Variants in CTNNA2 observed in about 807,000 individuals in gnomAD.
CTNNA2 encodes catenin alpha-2.
A neutral mutation model predicts 101.0 loss-of-function variants in CTNNA2; 42 were observed. That is an observed-to-expected ratio of 0.42 (90% CI 0.32 to 0.54). CTNNA2 has a LOEUF of 0.54. Among genes scored for constraint, CTNNA2 ranks in the 20% least tolerant of loss-of-function variants. CTNNA2 has a pLI of 0.14. For missense variants in CTNNA2, 871 were observed against 1,223.1 expected, an observed-to-expected ratio of 0.71 and a Z score of 4.29; for synonymous variants, 450 against 456.4, an observed-to-expected ratio of 0.99 and a Z score of 0.18.
intron 3 of CTNNA2, among the ~76,000 whole-genome samples, chr2:79,749,020 C>A (rs904323034): frequency 6.6e-6 from 1 of 152,080 alleles, no homozygotes; most frequent in Non-Finnish European, 1.5e-5. Flanking sequence ...AGCAGGCTGG[C>A]AGAAGAACCA....
intron 2 of CTNNA2, among the ~76,000 whole-genome samples, chr2:79,265,360 T>C (rs1023609934): frequency 3.3e-5 from 5 of 152,148 alleles, no homozygotes; most frequent in African/African-American, 1.2e-4. Flanking sequence ...CAGCTCCATA[T>C]GGTGCCAAGA....
chr2:80,089,291 G>C (rs865930222), intron 7 of CTNNA2, among the ~76,000 whole-genome samples: 2 of 151,992 alleles, frequency 1.3e-5, no homozygotes, highest in African/African-American at 2.4e-5. Context: ...AGACGCTAAA[G>C]ACAATCTATA....
intron 2 of CTNNA2, among the ~76,000 whole-genome samples, chr2:79,208,971 G>A (rs887472042): frequency 6.6e-6 from 1 of 152,106 alleles, no homozygotes; most frequent in Admixed American, 6.6e-5. Context: ...GGATGTGAAG[G>A]AGATGAAATG....
intron 4 of CTNNA2, among the ~76,000 whole-genome samples, chr2:79,501,051 C>T (rs982802190): frequency 1.3e-5 from 2 of 152,258 alleles, no homozygotes; most frequent in East Asian, 3.9e-4. Context: ...CTGAATTAGA[C>T]CTCTAAATTA....
intron 7 of CTNNA2, among the ~76,000 whole-genome samples, chr2:80,325,777 T>C (rs1679185395): frequency 6.6e-6 from 1 of 152,214 alleles, no homozygotes. Context: ...GGAATGCTTA[T>C]AGATTTGCAA....
At chr2:79,663,077 A>G (rs951365849) in intron 2 of CTNNA2, among the ~76,000 whole-genome samples, 3 of 152,056 alleles carry the variant, frequency 2.0e-5, no homozygotes, top group Non-Finnish European at 4.4e-5. Flanking sequence ...TCAAATTTGT[A>G]TCTTCAGCCC....
At chr2:79,401,320 A>C (rs1421159899) in intron 4 of CTNNA2, among the ~76,000 whole-genome samples, 2 of 151,454 alleles carry the variant, frequency 1.3e-5, no homozygotes, top group African/African-American at 4.8e-5. Flanking sequence ...AAATGCAAAA[A>C]TAAAAATAAT....
At chr2:79,521,486 T>A (rs1468882017) in intron 1 of CTNNA2, among the ~76,000 whole-genome samples, 1 of 152,024 alleles carries the variant, frequency 6.6e-6, no homozygotes, top group African/African-American at 2.4e-5. Context: ...ACATGGACAT[T>A]CCCAGTCTAG....
At chr2:80,489,722 G>T (rs1052289415) in intron 9 of CTNNA2, among the ~76,000 whole-genome samples, 1 of 152,074 alleles carries the variant, frequency 6.6e-6, no homozygotes, top group Non-Finnish European at 1.5e-5. Flanking sequence ...TCTTCTTCTT[G>T]GTTGTAAACT....
chr2:80,142,416 T>C (rs1703071824), intron 7 of CTNNA2, among the ~76,000 whole-genome samples: 1 of 152,058 alleles, frequency 6.6e-6, no homozygotes, highest in Non-Finnish European at 1.5e-5. Flanking sequence ...CTTGGTTTGA[T>C]AACACCAGCA....
intron 18 of CTNNA2, among the ~76,000 whole-genome samples, chr2:80,626,446 T>C (rs899032210): frequency 6.6e-6 from 1 of 152,094 alleles, no homozygotes; most frequent in African/African-American, 2.4e-5. Flanking sequence ...TAAGGAGGCT[T>C]CCTGGAAACT....
chr2:80,479,911 G>GTTGAC (rs1686020139), intron 9 of CTNNA2, among the ~76,000 whole-genome samples: 1 of 152,122 alleles, frequency 6.6e-6, no homozygotes, highest in Non-Finnish European at 1.5e-5. Context: ...GTCAACTTTG[G>GTTGAC]AGAAAGCTTG....
intron 4 of CTNNA2, among the ~76,000 whole-genome samples, chr2:79,418,744 G>C (rs954607529): frequency 5.3e-4 from 81 of 152,168 alleles, no homozygotes; most frequent in African/African-American, 1.9e-3. Context: ...GTTATAAATA[G>C]TTTCCATGAT....
chr2:79,774,509 A>G (rs1036778522), intron 3 of CTNNA2, among the ~76,000 whole-genome samples: 1 of 152,156 alleles, frequency 6.6e-6, no homozygotes, highest in Non-Finnish European at 1.5e-5. Context: ...AGACTCTTCT[A>G]GACACTCTGG....
At chr2:79,371,319 G>A (rs923760614) in intron 3 of CTNNA2, among the ~76,000 whole-genome samples, 1 of 152,042 alleles carries the variant, frequency 6.6e-6, no homozygotes. Context: ...AACAGATGGA[G>A]ACGAGCAGGC....
chr2:80,417,180 A>G (rs977725644), intron 8 of CTNNA2, among the ~76,000 whole-genome samples: 3 of 151,694 alleles, frequency 2.0e-5, no homozygotes, highest in African/African-American at 7.2e-5. Context: ...TTTGTGGAGT[A>G]CAATATGATA....
At chr2:79,469,205 T>C (rs1670971821) in intron 4 of CTNNA2, among the ~76,000 whole-genome samples, 2 of 152,150 alleles carry the variant, frequency 1.3e-5, no homozygotes, top group African/African-American at 2.4e-5. Context: ...ATATCACCTC[T>C]GATCCCACAG....
chr2:80,476,308 C>T (rs2149492780), intron 9 of CTNNA2, among the ~76,000 whole-genome samples: 1 of 152,272 alleles, frequency 6.6e-6, no homozygotes, highest in African/African-American at 2.4e-5. Context: ...ATATTTTGCA[C>T]ACTCCTTAAG....
At chr2:80,304,019 C>T in intron 7 of CTNNA2, 2 of 527,104 alleles carry the variant, frequency 3.8e-6, no homozygotes. Flanking sequence ...GAAAGCTGGG[C>T]AGCATAGAAA....
Sources: gnomAD v4.1 joint callset for allele counts (sites outside exome capture counted in the v4.1 genomes callset) on GRCh38, gnomAD v4.1.1 for gene constraint, MANE v1.5 for transcripts, NCBI Gene and HGNC (gene_info 2026-07-23, HGNC 2026-07-21) for gene names.